The following LAMA3 variants were observed in gnomAD, a reference collection of about 807,000 sequenced individuals.
The protein encoded by LAMA3 is laminin subunit alpha 3.
A neutral mutation model predicts 402.0 loss-of-function variants in LAMA3; 281 were observed. That is an observed-to-expected ratio of 0.70 (90% confidence interval 0.63 to 0.77). The LOEUF (loss-of-function observed/expected upper bound fraction) is 0.77, where lower values mean the gene tolerates loss of function less well. Ranked by LOEUF, LAMA3 falls within the 30% of genes least tolerant of loss-of-function variation. The pLI is 0.00. For synonymous variants in LAMA3, 1,431 were observed against 1,558.4 expected (o/e 0.92, Z 1.93); for missense variants, 3,840 against 4,215.5 (o/e 0.91, Z 2.47).
chr18:23,938,840 G>A (rs1162363962), intron 67 of LAMA3, among the ~76,000 whole-genome samples: 1 of 151,932 alleles, frequency 6.6e-6, no homozygotes, highest in African/African-American at 2.4e-5. Context: ...AGAAAGGGGG[G>A]GTATTTAGAC....
chr18:23,929,589 T>G (rs572810090), intron 64 of LAMA3, among the ~76,000 whole-genome samples: 1 of 152,216 alleles, frequency 6.6e-6, no homozygotes, highest in Non-Finnish European at 1.5e-5. Flanking sequence ...TCTTGGTGGC[T>G]GACTCTGTGG....
In LAMA3 at chr18:23,822,120, AGTGTGTATGT is replaced by A. The variant is rs767243596; in HGVS notation, c.2305-117_2305-108del. 449 of 895,576 alleles carry A rather than the reference AGTGTGTATGT, an allele frequency of 5.0e-4. 1 individual carries two copies. The highest frequency in any genetic ancestry group is 2.9e-3 in the Admixed American group (148 of 51,702). 55.5% of individuals were successfully genotyped at this position (895,576 alleles called of 1,614,324 possible). On this transcript the variant is annotated intron_variant, in intron 19 of 74. Transcript: ENST00000313654. ...ACTCGGTGCTCGTTGACTGAGTGTGAGTGTGTATGTGTGTGTATGTGTGTACATTACAAGT... is the reference window on the plus strand; with the variant it reads ...ACTCGGTGCTCGTTGACTGAGTGTGAGTGTGTATGTGTGTACATTACAAGT...
intron 12 of LAMA3, among the ~76,000 whole-genome samples, chr18:23,798,974 T>C (rs1192411533): frequency 6.6e-6 from 1 of 152,206 alleles, no homozygotes; most frequent in Non-Finnish European, 1.5e-5. Context: ...GATAGCAATG[T>C]TGCAAGATAC....
intron 12 of LAMA3, among the ~76,000 whole-genome samples, chr18:23,794,030 C>G (rs1052761621): frequency 6.6e-6 from 1 of 152,218 alleles, no homozygotes; most frequent in South Asian, 2.1e-4. Flanking sequence ...ACACATAAGA[C>G]GAGATATGGG....
chr18:23,727,782 T>TGTAGTGGCGTGA (rs1357105948), intron 2 of LAMA3, among the ~76,000 whole-genome samples: 4 of 152,162 alleles, frequency 2.6e-5, no homozygotes, highest in Admixed American at 6.5e-5. Flanking sequence ...CAGGCTGGAA[T>TGTAGTGGCGTGA]GTAGTGGCGT....
chr18:23,901,353 T>A (rs548736376), intron 48 of LAMA3, 30 bp downstream of exon 48: 4 of 1,574,546 alleles, frequency 2.5e-6, no homozygotes, highest in Non-Finnish European at 3.5e-6. Flanking sequence ...TTGCACACTT[T>A]CGTTAATAAG....
At chr18:23,946,307 A>G in intron 70 of LAMA3, 23 bp downstream of exon 70, 1 of 1,611,138 alleles carries the variant, frequency 6.2e-7, no homozygotes. Context: ...GTTCAGAGCC[A>G]TGGACAGAAA....
intron 54 of LAMA3, 32 bp downstream of exon 54, chr18:23,907,967 G>A (rs763663104): frequency 6.2e-7 from 1 of 1,604,174 alleles, no homozygotes; most frequent in South Asian, 1.1e-5. Flanking sequence ...GGACATCTTA[G>A]CCATTCTCTC....
chr18:23,938,035 C>A (rs2082364990), intron 67 of LAMA3, among the ~76,000 whole-genome samples: 1 of 152,136 alleles, frequency 6.6e-6, no homozygotes, highest in South Asian at 2.1e-4. Context: ...TGAGGCCTGG[C>A]CCATCAGGAG....
intron 34 of LAMA3, among the ~76,000 whole-genome samples, chr18:23,860,102 T>C (rs1424869097): frequency 2.6e-5 from 4 of 152,192 alleles, no homozygotes. Context: ...AGGAGCTCTG[T>C]GCCAGAAACT....
At chr18:23,772,104 T>C (rs1308859180) in intron 8 of LAMA3, among the ~76,000 whole-genome samples, 1 of 151,138 alleles carries the variant, frequency 6.6e-6, no homozygotes, top group Non-Finnish European at 1.5e-5. Flanking sequence ...TGCAGTGGTG[T>C]GATTTCGGCT....
At chr18:23,743,274 TG>T (rs1381342035) in intron 2 of LAMA3, among the ~76,000 whole-genome samples, 3 of 152,200 alleles carry the variant, frequency 2.0e-5, no homozygotes, top group Admixed American at 2.0e-4. Flanking sequence ...ACATAGCCAG[TG>T]GGTGACAGGG....
Position 23,846,513 on chromosome 18 carries a change from G to A in LAMA3, c.3931+5G>A, listed in dbSNP as rs777173870. On this transcript the variant is annotated splice_donor_5th_base_variant and intron_variant, in intron 31 of 74. Coordinates refer to ENST00000313654, the MANE Select transcript of LAMA3 (RefSeq NM_198129.4). ...ACGGATTCCCACGCTGCAAGCGTAAGTGCACGTTTCCCATCACCCAAGTTC... is the reference window on the plus strand; with the variant it reads ...ACGGATTCCCACGCTGCAAGCGTAAATGCACGTTTCCCATCACCCAAGTTC... 6.4e-5 allele frequency: 102 copies of A among 1,603,314 alleles called. 1 individual carries two copies. Among genetic ancestry groups the A allele is most frequent in the South Asian group, 1.6e-4 (15 of 90,924 alleles).
At chr18:23,769,531 A>G (rs1454285955) in intron 8 of LAMA3, among the ~76,000 whole-genome samples, 1 of 152,232 alleles carries the variant, frequency 6.6e-6, no homozygotes, top group African/African-American at 2.4e-5. Context: ...CCCTAAAACA[A>G]CTGCTGACAA....
chr18:23,860,261 C>CTTTTTTTTTTTTT lies in LAMA3; in HGVS notation c.4423-1378_4423-1366dup, dbSNP rs59852195. On this transcript the variant is annotated intron_variant, in intron 34 of 74. Transcript: ENST00000313654. Reference sequence around the variant, plus strand: ...TCTTTTCTTTGGTCACTTTTCTTTTCTTTTTTTTTTTTTTTTTTTGAGACA... The same window carrying CTTTTTTTTTTTTT: ...TCTTTTCTTTGGTCACTTTTCTTTTCTTTTTTTTTTTTTTTTTTTTTTTTTTTTTTTTGAGACA... Among the ~76,000 whole-genome samples the CTTTTTTTTTTTTT allele has an allele frequency of 1.7e-4, 19 of 112,642 alleles. 1 individual carries two copies. Among genetic ancestry groups the CTTTTTTTTTTTTT allele is most frequent in the Admixed American group, 3.0e-4 (3 of 9,962 alleles). 73.9% of individuals were successfully genotyped at this position (112,642 alleles called of 152,430 possible). A position where few individuals can be genotyped will look rare whatever the true frequency, so the allele number is the denominator to read the frequency against.
chr18:23,801,235 T>A lies in LAMA3; in HGVS notation c.1604-9131T>A, dbSNP rs569688900. ...CTCACTTATAAGTAGGAGCTTAACA[T>A]TGAGTACACATGGACATAAAGATGA... On this transcript the variant is annotated intron_variant, in intron 12 of 74. Coordinates refer to ENST00000313654, the MANE Select transcript of LAMA3 (RefSeq NM_198129.4). Among the ~76,000 whole-genome samples, 9 of 152,208 alleles carry A rather than the reference T, an allele frequency of 5.9e-5. No homozygotes were observed. The East Asian group carries it at 1.2e-3, about 20-fold the overall frequency.
At position 23,824,525 on chromosome 18, in the gene LAMA3, G is replaced by A. The variant is rs755359576; in HGVS notation, c.2531G>A (p.Gly844Glu). 11 of 1,614,116 alleles carry A rather than the reference G, an allele frequency of 6.8e-6. No homozygotes were observed. The highest frequency in any genetic ancestry group is 1.6e-4 in the Middle Eastern group (1 of 6,062). Residue 844 changes from glycine (G) to glutamate (E), a missense_variant, in exon 21 of 75, where the codon GGA becomes GAA. By Grantham distance (98) the Gly-to-Glu change is moderately conservative. This residue lies in a region of LAMA3 where 2,109 missense variants were observed against 2,376.0 expected (regional missense o/e 0.89). Coordinates refer to ENST00000313654, the MANE Select transcript of LAMA3 (RefSeq NM_198129.4). ...GCAGACCCATTTTCAATCACACCAG[G>A]AATATGGGTTGCTTGTATTAAGGCA... ...GFADPFSITP[G>E]IWVACIKAEG...
rs367645810 is a variant in LAMA3 at position 23,765,061 on chromosome 18, G to A, written c.1182+1538G>A. On this transcript the variant is annotated intron_variant, in intron 8 of 74. Coordinates refer to ENST00000313654, the MANE Select transcript of LAMA3 (RefSeq NM_198129.4). ...TAAAAATAAGCAGGAAGATACTGGAGGGGAGCTGCAACTTGGCAAAACAGA... is the reference window on the plus strand; with the variant it reads ...TAAAAATAAGCAGGAAGATACTGGAAGGGAGCTGCAACTTGGCAAAACAGA... 8.3e-4 allele frequency among the ~76,000 whole-genome samples: 126 copies of A among 152,332 alleles called. 3 individuals are homozygous for A. The South Asian group carries it at 0.026, about 31-fold the overall frequency.
chr18:23,758,373 A>T, intron 6 of LAMA3, 23 bp from the exon 7 acceptor site: 1 of 1,583,482 alleles, frequency 6.3e-7, no homozygotes, highest in Non-Finnish European at 8.7e-7. Flanking sequence ...AATAACTGAG[A>T]TGCACTTCGC....
Sources: allele counts gnomAD v4.1 joint callset (sites outside exome capture counted in the v4.1 genomes callset), GRCh38; gene constraint gnomAD v4.1.1; regional missense constraint gnomAD v4.1.1; transcripts MANE v1.5; gene names NCBI Gene and HGNC (gene_info 2026-07-23, HGNC 2026-07-21).